MCCC2: variants seen among roughly 807,000 people sequenced by gnomAD.
The protein encoded by MCCC2 is methylcrotonyl-CoA carboxylase subunit 2, also known as methylcrotonoyl-CoA carboxylase beta chain, mitochondrial.
In MCCC2, 52 loss-of-function variants were observed where a neutral mutation model predicts 77.2. The ratio of observed to expected loss-of-function variants is 0.67; its 90% CI spans 0.54 to 0.85. The LOEUF (loss-of-function observed/expected upper bound fraction) is 0.85. MCCC2 is among the 40% of genes least tolerant of loss of function. MCCC2 has a pLI of 0.00. For synonymous variants in MCCC2, 253 were observed against 248.4 expected, an observed-to-expected ratio of 1.02 and a Z score of -0.18; for missense variants, 682 against 703.2, an observed-to-expected ratio of 0.97 and a Z score of 0.34.
intron 2 of MCCC2, among the ~76,000 whole-genome samples, chr5:71,595,856 C>G (rs115037622): frequency 0.028 from 4,331 of 152,318 alleles, 106 homozygotes; most frequent in South Asian, 0.049. Flanking sequence ...GGTAAATTTA[C>G]TGCACTTATC....
At chr5:71,593,880 G>A (rs1229106473) in intron 2 of MCCC2, among the ~76,000 whole-genome samples, 1 of 152,148 alleles carries the variant, frequency 6.6e-6, no homozygotes, top group Non-Finnish European at 1.5e-5. Context: ...GATCTCAGGA[G>A]TATAAAAATA....
Position 71,646,285 on chromosome 5 carries a change from A to T in MCCC2, c.1216+8A>T. The T allele has an allele frequency of 6.2e-7, 1 of 1,613,100 alleles. No homozygotes were observed. Among genetic ancestry groups the T allele is most frequent in the Non-Finnish European group, 8.5e-7 (1 of 1,179,246 alleles). On this transcript the variant is annotated splice_region_variant and intron_variant, in intron 13 of 16. Transcript: ENST00000340941. ...TCCTTCAAAACATTACTGGTAAGAA[A>T]ATAGCTTAATCAGTTTGGTTGTATT...
At chr5:71,599,785 A>C (rs764324514) in intron 4 of MCCC2, 25 bp downstream of exon 4, 2 of 1,586,604 alleles carry the variant, frequency 1.3e-6, no homozygotes, top group Non-Finnish European at 1.7e-6. Flanking sequence ...TGTGCTTCAT[A>C]ATGTGGGTTG....
At chr5:71,646,088 A>T in intron 12 of MCCC2, 123 bp from the exon 13 acceptor site, 2 of 768,914 alleles carry the variant, frequency 2.6e-6, no homozygotes, top group Admixed American at 2.8e-5. Context: ...TAATAAGAAG[A>T]GAAAAAATTT....
At chr5:71,628,207 A>T (rs536082599) in intron 7 of MCCC2, among the ~76,000 whole-genome samples, 3 of 151,940 alleles carry the variant, frequency 2.0e-5, no homozygotes, top group South Asian at 2.1e-4. Context: ...GTCTATTCAG[A>T]TTCTTTCTCA....
chr5:71,622,900 A>T (rs1170027598), intron 6 of MCCC2, among the ~76,000 whole-genome samples: 1 of 152,188 alleles, frequency 6.6e-6, no homozygotes, highest in African/African-American at 2.4e-5. Flanking sequence ...AGGTCAGGAG[A>T]TCGAGACCAT....
chr5:71,598,167 G>A (rs1381725529), intron 3 of MCCC2, among the ~76,000 whole-genome samples: 1 of 151,612 alleles, frequency 6.6e-6, no homozygotes, highest in African/African-American at 2.4e-5. Flanking sequence ...CGCCTCCTGG[G>A]TTCAAGCGAT....
intron 10 of MCCC2, among the ~76,000 whole-genome samples, chr5:71,637,000 T>G (rs914993289): frequency 2.0e-5 from 3 of 152,050 alleles, no homozygotes; most frequent in African/African-American, 7.2e-5. Context: ...CACCTCAGCC[T>G]TCCGAAGTGC....
intron 1 of MCCC2, among the ~76,000 whole-genome samples, chr5:71,588,039 C>T (rs1398642794): frequency 6.6e-6 from 1 of 152,044 alleles, no homozygotes; most frequent in Non-Finnish European, 1.5e-5. Context: ...GAGGCCCTGG[C>T]GGGTGGATTA....
intron 7 of MCCC2, among the ~76,000 whole-genome samples, chr5:71,629,936 T>G (rs2112421078): frequency 6.6e-6 from 1 of 152,334 alleles, no homozygotes; most frequent in South Asian, 2.1e-4. Context: ...TGAAAACATC[T>G]TTTTGGAAAT....
chr5:71,646,875 T>G (rs1747287735), intron 13 of MCCC2, among the ~76,000 whole-genome samples: 1 of 152,074 alleles, frequency 6.6e-6, no homozygotes, highest in Non-Finnish European at 1.5e-5. Context: ...GGTCTTCCCT[T>G]TTATTGTACA....
At chr5:71,643,627 CA>C in intron 11 of MCCC2, 191 bp from the exon 12 acceptor site, 4 of 1,027,786 alleles carry the variant, frequency 3.9e-6, no homozygotes, top group Non-Finnish European at 5.6e-6. Flanking sequence ...TTTCTAGAAG[CA>C]AAAGAAACCA....
At chr5:71,631,626 C>T (rs996644571) in intron 7 of MCCC2, among the ~76,000 whole-genome samples, 5 of 151,440 alleles carry the variant, frequency 3.3e-5, no homozygotes, top group African/African-American at 7.3e-5. Flanking sequence ...CTGCAAGCTC[C>T]GCTTCCCGGG....
At chr5:71,627,487 T>C (rs985878310) in intron 7 of MCCC2, among the ~76,000 whole-genome samples, 1 of 152,236 alleles carries the variant, frequency 6.6e-6, no homozygotes, top group Non-Finnish European at 1.5e-5. Context: ...CATCAGTTGA[T>C]GGGCATTTAG....
intron 10 of MCCC2, 120 bp from the exon 11 acceptor site, chr5:71,640,883 G>A: frequency 6.2e-6 from 5 of 808,672 alleles, no homozygotes; most frequent in Middle Eastern, 3.4e-4. Context: ...GATTTTCTGT[G>A]TAGTGTGAAA....
chr5:71,620,881 T>A (rs1317793938), intron 6 of MCCC2, among the ~76,000 whole-genome samples: 1 of 152,182 alleles, frequency 6.6e-6, no homozygotes, highest in Non-Finnish European at 1.5e-5. Context: ...TCTCTGTTTG[T>A]TCCTGTCACA....
At chr5:71,623,108 G>C (rs1331212286) in intron 6 of MCCC2, among the ~76,000 whole-genome samples, 2 of 152,202 alleles carry the variant, frequency 1.3e-5, no homozygotes, top group African/African-American at 4.8e-5. Context: ...CAATAGAAAA[G>C]TACTTCCAAA....
intron 6 of MCCC2, among the ~76,000 whole-genome samples, chr5:71,620,867 G>A (rs1440152896): frequency 6.6e-6 from 1 of 152,158 alleles, no homozygotes; most frequent in African/African-American, 2.4e-5. Context: ...CCTTGCAAGA[G>A]TGATCTCTGT....
chr5:71,606,315 G>A (rs1745674337), intron 6 of MCCC2, among the ~76,000 whole-genome samples: 1 of 151,204 alleles, frequency 6.6e-6, no homozygotes, highest in African/African-American at 2.4e-5. Flanking sequence ...GGATTCCTAG[G>A]TATTTTATTC....
Sources: allele counts gnomAD v4.1 joint callset (sites outside exome capture counted in the v4.1 genomes callset), GRCh38; gene constraint gnomAD v4.1.1; transcripts MANE v1.5; gene names NCBI Gene and HGNC (gene_info 2026-07-23, HGNC 2026-07-21).